Variants in RASSF4 observed in about 807,000 individuals in gnomAD.
RASSF4 encodes the protein ras association domain-containing protein 4.
A neutral mutation model predicts 41.1 loss-of-function variants in RASSF4; 38 were observed. The ratio of observed to expected loss-of-function variants is 0.92; its 90% CI spans 0.71 to 1.21. The LOEUF (loss-of-function observed/expected upper bound fraction) is 1.21, where lower values mean the gene tolerates loss of function less well. RASSF4 is among the 50% of genes most tolerant of loss of function. RASSF4 has a pLI of 0.00. For synonymous variants in RASSF4, 179 were observed against 163.4 expected (o/e 1.10, Z -0.73); for missense variants, 414 against 419.4 (o/e 0.99, Z 0.11).
chr10:44,981,723 C>G (rs932200930), intron 3 of RASSF4: 4 of 152,194 alleles, frequency 2.6e-5, no homozygotes, highest in Admixed American at 2.6e-4. Flanking sequence ...CTGGGGTGGT[C>G]TCGCAGAGAC....
chr10:44,984,164 G>T, intron 5 of RASSF4, 51 bp downstream of exon 5: 3 of 1,502,664 alleles, frequency 2.0e-6, no homozygotes, highest in Non-Finnish European at 1.8e-6. Flanking sequence ...CGGGGTAGGA[G>T]CAGAGGGGCT....
In RASSF4 at chr10:44,984,870, G is replaced by A. The variant is rs369039103; in HGVS notation, c.431G>A (p.Ser144Asn). 4 of 1,613,550 alleles carry A rather than the reference G, an allele frequency of 2.5e-6. No individual in the cohort carries two copies. The African/African-American group carries it at 5.3e-5, about 22-fold the overall frequency. Residue 144 changes from serine (S) to asparagine (N), a missense_variant, in exon 6 of 11, where the codon AGT becomes AAT. Coordinates refer to ENST00000340258, the MANE Select transcript of RASSF4 (RefSeq NM_032023.4). ...PQLMRTKSDA[S>N]CMSQRRPKCR... ...CTGATGCGGACCAAGAGCGACGCCA[G>A]TTGCATGAGCCAGAGGAGGCCCAAG...
At chr10:44,989,453 G>T (rs978346504) in intron 7 of RASSF4, 78 bp downstream of exon 7, 2 of 1,111,272 alleles carry the variant, frequency 1.8e-6, no homozygotes, top group Non-Finnish European at 2.7e-6. Context: ...TCTGGGGAAA[G>T]CTGCCCGTGG....
chr10:44,977,857 C>T (rs1435044374), intron 3 of RASSF4: 5 of 1,610,232 alleles, frequency 3.1e-6, no homozygotes, highest in Admixed American at 1.7e-5. Flanking sequence ...GGCCCTGGGC[C>T]GTGGCCTTGT....
At chr10:44,980,518 A>C (rs115836994) in intron 3 of RASSF4, among the ~76,000 whole-genome samples, 2,263 of 152,230 alleles carry the variant, frequency 0.015, 66 homozygotes, top group African/African-American at 0.05. Flanking sequence ...TGAGTCATGG[A>C]GAGCCAGCCT....
chr10:44,989,236 C>A, intron 6 of RASSF4, 38 bp from the exon 7 acceptor site: 1 of 1,369,900 alleles, frequency 7.3e-7, no homozygotes, highest in Non-Finnish European at 1.0e-6. Flanking sequence ...CTTGTCCCCT[C>A]TGGGCCTGAC....
intron 6 of RASSF4, among the ~76,000 whole-genome samples, chr10:44,987,253 G>C (rs78739571): frequency 0.074 from 11,311 of 151,998 alleles, 582 homozygotes; most frequent in African/African-American, 0.15. Context: ...TGCGCACCAC[G>C]ATGCCTGGCT....
At chr10:44,981,176 C>G (rs1841692532) in intron 3 of RASSF4, 1 of 152,026 alleles carries the variant, frequency 6.6e-6, no homozygotes, top group African/African-American at 2.4e-5. Flanking sequence ...TCTCACAGGG[C>G]TTTTAGTGCC....
chr10:44,960,324 G>A (rs1444734612), intron 1 of RASSF4, among the ~76,000 whole-genome samples: 2 of 152,192 alleles, frequency 1.3e-5, no homozygotes, highest in Admixed American at 1.3e-4. Flanking sequence ...GCTTTAACAC[G>A]ATATGCCTCT....
intron 5 of RASSF4, 33 bp from the exon 6 acceptor site, chr10:44,984,780 A>T: frequency 1.9e-6 from 3 of 1,608,240 alleles, no homozygotes; most frequent in Non-Finnish European, 2.5e-6. Flanking sequence ...AGCATCACCC[A>T]CCCTGCCATT....
intron 3 of RASSF4, chr10:44,982,075 TC>T (rs1267412812): frequency 4.3e-6 from 1 of 230,808 alleles, no homozygotes. Flanking sequence ...AGTGCCCACT[TC>T]TCCTCTGGTG....
Position 44,993,302 on chromosome 10 carries a change from C to T in RASSF4, c.939C>T (p.Arg313=), listed in dbSNP as rs1266464604. The T allele has an allele frequency of 3.1e-6, 5 of 1,607,688 alleles. No individual in the cohort carries two copies. ...CCCTGCGTCTGACGATGCTGCAGCG[C>T]CTGGAGCAGCTGGTGGAGGCCAAGT... ...FQALRLTMLQ[R]LEQLVEAK Residue 313 remains arginine, a synonymous_variant, in exon 11 of 11, where the codon CGC becomes CGT. Coordinates refer to ENST00000340258, the MANE Select transcript of RASSF4 (RefSeq NM_032023.4).
At position 44,991,122 on chromosome 10, in the gene RASSF4, G is replaced by A. The variant is rs1237420581; in HGVS notation, c.807+53G>A. 11 of 1,547,888 alleles carry A rather than the reference G, an allele frequency of 7.1e-6. No individual in the cohort carries two copies. In the African/African-American group the frequency reaches 9.6e-5, roughly 13 times the overall value. On this transcript the variant is annotated intron_variant, in intron 9 of 10. Coordinates refer to ENST00000340258, the MANE Select transcript of RASSF4 (RefSeq NM_032023.4). ...CTGCTCTAGGGTGAGGGGTTCTTGG[G>A]TGACGGGGCCTCCCAAGGACTCCTG...
At chr10:44,988,577 C>T (rs972141335) in intron 6 of RASSF4, among the ~76,000 whole-genome samples, 1 of 152,186 alleles carries the variant, frequency 6.6e-6, no homozygotes, top group East Asian at 1.9e-4. Flanking sequence ...TTGCACAGTC[C>T]CCAGGAAGCC....
intron 1 of RASSF4, among the ~76,000 whole-genome samples, chr10:44,964,866 C>CA (rs1183114885): frequency 3.3e-5 from 3 of 90,870 alleles, no homozygotes; most frequent in African/African-American, 1.2e-4. Flanking sequence ...GATGTCAAAA[C>CA]GATTAAATTC....
chr10:44,971,695 A>G, intron 2 of RASSF4, 78 bp from the exon 3 acceptor site: 1 of 1,085,324 alleles, frequency 9.2e-7, no homozygotes, highest in Non-Finnish European at 1.4e-6. Flanking sequence ...ATGAGGAAAC[A>G]GAGGCCAGGG....
chr10:44,988,663 C>T lies in RASSF4; in HGVS notation c.532-611C>T, dbSNP rs551147123. ...TGCACAGATCGCTTCGCCTTGTGTT[C>T]TACAGACGCAGACTCTGATTCAGAT... is the stretch of plus-strand genomic sequence containing the variant. On this transcript the variant is annotated intron_variant, in intron 6 of 10. Coordinates refer to ENST00000340258, the MANE Select transcript of RASSF4 (RefSeq NM_032023.4). 3.9e-5 allele frequency among the ~76,000 whole-genome samples: 6 copies of T among 152,350 alleles called. 1 individual carries two copies. The South Asian group carries it at 1.0e-3, about 26-fold the overall frequency.
At chr10:44,962,168 G>A (rs184691130) in intron 1 of RASSF4, among the ~76,000 whole-genome samples, 17 of 152,306 alleles carry the variant, frequency 1.1e-4, no homozygotes, top group East Asian at 1.9e-4. Context: ...AAGAGACGGC[G>A]CAACACGCTA....
chr10:44,970,448 A>AC, intron 2 of RASSF4, 184 bp downstream of exon 2: 1 of 588,490 alleles, frequency 1.7e-6, no homozygotes, highest in Non-Finnish European at 3.0e-6. Context: ...GCTACACATG[A>AC]CCATGGCTGG....
Sources: gnomAD v4.1 joint callset for allele counts (sites outside exome capture counted in the v4.1 genomes callset) on GRCh38, gnomAD v4.1.1 for gene constraint, MANE v1.5 for transcripts, NCBI Gene and HGNC (gene_info 2026-07-23, HGNC 2026-07-21) for gene names.